Variants in ZCCHC14 observed in about 807,000 individuals in gnomAD.
ZCCHC14 encodes the protein zinc finger CCHC-type containing 14.
ZCCHC14 carries 16 observed loss-of-function variants against 85.0 expected under a neutral mutation model. The observed-to-expected ratio is 0.19, with a 90% CI of 0.13 to 0.29. The LOEUF (loss-of-function observed/expected upper bound fraction) is 0.29. Ranked by LOEUF, ZCCHC14 falls within the 10% of genes least tolerant of loss-of-function variation. ZCCHC14 has a pLI of 1.00. For missense variants in ZCCHC14, 1,303 were observed against 1,443.5 expected, an observed-to-expected ratio of 0.90 and a Z score of 1.58; for synonymous variants, 775 against 630.7, an observed-to-expected ratio of 1.23 and a Z score of -3.43.
intron 2 of ZCCHC14, among the ~76,000 whole-genome samples, chr16:87,434,468 G>A (rs114578305): frequency 1.4e-3 from 217 of 152,330 alleles, no homozygotes; most frequent in African/African-American, 5.1e-3. Context: ...CCTTCGCTGG[G>A]TCTGGAGGCC....
At chr16:87,481,141 G>A (rs1232375686) in intron 1 of ZCCHC14, among the ~76,000 whole-genome samples, 1 of 152,090 alleles carries the variant, frequency 6.6e-6, no homozygotes, top group Non-Finnish European at 1.5e-5. Context: ...ACCAAAAAGG[G>A]TTACAGCGGG....
chr16:87,466,767 C>T (rs1161087633), intron 1 of ZCCHC14, among the ~76,000 whole-genome samples: 1 of 152,158 alleles, frequency 6.6e-6, no homozygotes, highest in Non-Finnish European at 1.5e-5. Context: ...GGATTCCTGC[C>T]TGCTTCCATA....
chr16:87,417,997 C>T (rs1320590316), intron 7 of ZCCHC14: 2 of 491,802 alleles, frequency 4.1e-6, no homozygotes, highest in African/African-American at 1.9e-5. Context: ...CATATACACA[C>T]ACATGCCTCT....
intron 2 of ZCCHC14, among the ~76,000 whole-genome samples, chr16:87,439,190 G>A (rs554282227): frequency 1.3e-5 from 2 of 151,162 alleles, no homozygotes; most frequent in South Asian, 2.1e-4. Context: ...CCAGGCTGGA[G>A]TGGCATGATC....
intron 2 of ZCCHC14, among the ~76,000 whole-genome samples, chr16:87,436,355 C>T (rs1416195542): frequency 6.6e-6 from 1 of 152,260 alleles, no homozygotes; most frequent in Non-Finnish European, 1.5e-5. Flanking sequence ...CCAGGAGCGA[C>T]GCAGCGAGGC....
Position 87,412,708 on chromosome 16 carries a change from C to A in ZCCHC14, c.2013G>T (p.Leu671Phe). Residue 671 changes from leucine (L) to phenylalanine (F), a missense_variant, in exon 12 of 13, where the codon TTG becomes TTT. Transcript: ENST00000671377. ...ATCCTTTATTCCTTTCTTCTAGAGA[C>A]AAAAGTGAGTGCACAGAAGACGAGA... The part of the protein sequence containing the change: ...KLLSSSVHSL[L>F]SLEERNKGSG... 4 of 1,614,230 alleles carry A rather than the reference C, an allele frequency of 2.5e-6. No individual in the cohort carries two copies. The South Asian group carries it at 4.4e-5, about 18-fold the overall frequency.
At chr16:87,417,418 C>T in intron 8 of ZCCHC14, 42 bp downstream of exon 8, 1 of 1,597,866 alleles carries the variant, frequency 6.3e-7, no homozygotes, top group Non-Finnish European at 8.5e-7. Flanking sequence ...CTTGAGTAAA[C>T]AATCTAGCAA....
intron 1 of ZCCHC14, among the ~76,000 whole-genome samples, chr16:87,466,738 G>A (rs1298836914): frequency 6.6e-6 from 1 of 152,154 alleles, no homozygotes; most frequent in African/African-American, 2.4e-5. Flanking sequence ...CAAGTCACAG[G>A]TACTGTTCGT....
chr16:87,477,389 G>A (rs981279456), intron 1 of ZCCHC14, among the ~76,000 whole-genome samples: 12 of 152,154 alleles, frequency 7.9e-5, no homozygotes, highest in African/African-American at 1.9e-4. Context: ...GCCCAGGGCC[G>A]GCCGCGCACA....
rs1177329749 is a variant in ZCCHC14, at chr16:87,420,644, C to A, written c.913G>T (p.Val305Leu). ...PCLAGPDAFY[V>L]ERNHVDLDSG... ...TCCAGATCCACGTGGTTTCGCTCCACATAAAATGCGTCCGGACCAGCTAAG... is the reference window on the plus strand; with the variant it reads ...TCCAGATCCACGTGGTTTCGCTCCAAATAAAATGCGTCCGGACCAGCTAAG... The change falls in exon 5 of 13, where the codon GTG (valine) becomes TTG (leucine). Residue 305 changes from valine to leucine, a missense_variant. Val to Leu is a conservative substitution (Grantham distance 32). This residue lies in a region of ZCCHC14 where 389 missense variants were observed against 397.8 expected (regional missense o/e 0.98). Coordinates refer to ENST00000671377, the MANE Select transcript of ZCCHC14 (RefSeq NM_015144.3). The surrounding 1 kb of genome is among the most constrained non-coding windows in gnomAD (Gnocchi z 5.0). The A allele has an allele frequency of 3.1e-6, 5 of 1,613,998 alleles. No individual in the cohort carries two copies. The highest frequency in any genetic ancestry group is 4.2e-6 in the Non-Finnish European group (5 of 1,179,940).
rs1910932412 is a variant in ZCCHC14, at chr16:87,455,865, G to A, written c.694+4143C>T. The stretch of plus-strand genomic sequence containing the variant: ...TCAAAACTTCACTATGAAGTGGGCT[G>A]TGTGTTAGATAATTTTGCCCACCTG... On this transcript the variant is annotated intron_variant, in intron 2 of 12. Coordinates refer to ENST00000671377, the MANE Select transcript of ZCCHC14 (RefSeq NM_015144.3). 3.3e-5 allele frequency among the ~76,000 whole-genome samples: 5 copies of A among 152,320 alleles called. No individual in the cohort carries two copies. The South Asian group carries it at 1.0e-3, about 32-fold the overall frequency.
chr16:87,445,035 T>C (rs1374743361), intron 2 of ZCCHC14, among the ~76,000 whole-genome samples: 1 of 151,812 alleles, frequency 6.6e-6, no homozygotes, highest in African/African-American at 2.4e-5. Context: ...GTGACAACTT[T>C]TCTATAAATT....
At chr16:87,458,940 C>T (rs1369807952) in intron 2 of ZCCHC14, among the ~76,000 whole-genome samples, 1 of 152,198 alleles carries the variant, frequency 6.6e-6, no homozygotes, top group Non-Finnish European at 1.5e-5. Context: ...CTGCAAACCA[C>T]ACAAGCATTT....
chr16:87,447,356 G>A (rs1910492172), intron 2 of ZCCHC14, among the ~76,000 whole-genome samples: 1 of 152,042 alleles, frequency 6.6e-6, no homozygotes, highest in Non-Finnish European at 1.5e-5. Flanking sequence ...GCAGAGATCT[G>A]AAGTGTACAA....
chr16:87,473,375 G>C (rs1270802046), intron 1 of ZCCHC14: 1 of 152,078 alleles, frequency 6.6e-6, no homozygotes, highest in Non-Finnish European at 1.5e-5. Context: ...GCTAATTTTT[G>C]TATTATTACC....
chr16:87,439,836 T>C (rs1910100707), intron 2 of ZCCHC14, among the ~76,000 whole-genome samples: 1 of 152,244 alleles, frequency 6.6e-6, no homozygotes, highest in African/African-American at 2.4e-5. Flanking sequence ...AATGACTAGG[T>C]TGGTAAATCA....
intron 1 of ZCCHC14, chr16:87,471,360 G>A (rs1305416201): frequency 6.6e-6 from 1 of 152,102 alleles, no homozygotes; most frequent in South Asian, 2.1e-4. Context: ...GAAAGCCAAC[G>A]CTAACCAAAA....
chr16:87,438,588 T>C (rs567633135), intron 2 of ZCCHC14, among the ~76,000 whole-genome samples: 11 of 152,200 alleles, frequency 7.2e-5, no homozygotes, highest in Admixed American at 1.3e-4. Context: ...TTAATGGGGA[T>C]AGTAGCTTAA....
intron 2 of ZCCHC14, among the ~76,000 whole-genome samples, chr16:87,452,695 G>A (rs1910763414): frequency 6.6e-6 from 1 of 152,230 alleles, no homozygotes; most frequent in African/African-American, 2.4e-5. Flanking sequence ...GGAGGATGGA[G>A]TTTGGGGCAG....
Sources: gnomAD v4.1 joint callset for allele counts (sites outside exome capture counted in the v4.1 genomes callset) on GRCh38, gnomAD v4.1.1 for gene constraint, gnomAD v4.1.1 regional missense constraint, Gnocchi (gnomAD v3.1) non-coding constraint, MANE v1.5 for transcripts, NCBI Gene and HGNC (gene_info 2026-07-23, HGNC 2026-07-21) for gene names.